OSBPL11: variants seen among roughly 807,000 people sequenced by gnomAD.
The protein encoded by OSBPL11 is oxysterol-binding protein-related protein 11.
Under a neutral mutation model 84.4 loss-of-function variants are expected in OSBPL11, and 33 were observed. The observed-to-expected ratio is 0.39, with a 90% confidence interval of 0.30 to 0.52. The LOEUF (loss-of-function observed/expected upper bound fraction) is 0.52, where lower values mean the gene tolerates loss of function less well. Among genes scored for constraint, OSBPL11 ranks in the 20% least tolerant of loss-of-function variants. OSBPL11 has a pLI of 0.72. For missense variants in OSBPL11, 736 were observed against 901.1 expected (o/e 0.82, Z 2.35); for synonymous variants, 276 against 310.2 (o/e 0.89, Z 1.16).
rs1057468290 is a variant in OSBPL11, at chr3:125,529,031, T to A, written c.*1484A>T. 1 of 152,680 alleles carries A rather than the reference T, an allele frequency of 6.5e-6. No homozygotes were observed. Among genetic ancestry groups the A allele is most frequent in the African/African-American group, 2.4e-5 (1 of 41,474 alleles). 9.5% of individuals were successfully genotyped at this position (152,680 alleles called of 1,614,324 possible). ...ATTTACAATTTGTTGAAAAAATTAT[T>A]GTTTTGCTGTTTTCATCCTACTAAC... On this transcript the variant is annotated 3_prime_UTR_variant, in exon 13 of 13. Coordinates refer to ENST00000296220, the MANE Select transcript of OSBPL11 (RefSeq NM_022776.5).
intron 5 of OSBPL11, 35 bp from the exon 6 acceptor site, chr3:125,567,630 G>A: frequency 1.3e-6 from 2 of 1,549,808 alleles, no homozygotes; most frequent in Non-Finnish European, 1.8e-6. Flanking sequence ...TCCTACTCAT[G>A]ATTTCTGTAA....
At chr3:125,586,374 C>G (rs1936510723) in intron 1 of OSBPL11, among the ~76,000 whole-genome samples, 1 of 152,158 alleles carries the variant, frequency 6.6e-6, no homozygotes, top group Admixed American at 6.5e-5. Context: ...GTAGTGGAAG[C>G]TGATAGTCTA....
chr3:125,539,715 C>T (rs1935698587), intron 10 of OSBPL11, among the ~76,000 whole-genome samples: 1 of 152,252 alleles, frequency 6.6e-6, no homozygotes, highest in African/African-American at 2.4e-5. Flanking sequence ...TCCCAAAGTG[C>T]TGGGATTACA....
chr3:125,555,727 C>A lies in OSBPL11; in HGVS notation c.1156-3048G>T, dbSNP rs189174708. Among the ~76,000 whole-genome samples the A allele has an allele frequency of 1.6e-4, 24 of 152,230 alleles. No homozygotes were observed. In the East Asian group the frequency reaches 4.6e-3, roughly 29 times the overall value. ...TGAGATGGAGTCTCGCTCTGTCACC[C>A]AGGCTGGAGTGCAGTGGCGTCATCT... On this transcript the variant is annotated intron_variant, in intron 8 of 12. Coordinates refer to ENST00000296220, the MANE Select transcript of OSBPL11 (RefSeq NM_022776.5).
chr3:125,542,801 C>G (rs149521956), intron 10 of OSBPL11, among the ~76,000 whole-genome samples: 1 of 152,046 alleles, frequency 6.6e-6, no homozygotes, highest in African/African-American at 2.4e-5. Flanking sequence ...TGAGCCACCA[C>G]GCCCAGCCTA....
chr3:125,579,136 T>C (rs1316837776), intron 3 of OSBPL11, 97 bp from the exon 4 acceptor site: 9 of 877,250 alleles, frequency 1.0e-5, no homozygotes, highest in South Asian at 6.3e-5. Context: ...AAGCAGATAC[T>C]GGTCTTACTC....
chr3:125,545,836 A>G (rs115347477), intron 10 of OSBPL11, among the ~76,000 whole-genome samples: 1 of 152,274 alleles, frequency 6.6e-6, no homozygotes, highest in African/African-American at 2.4e-5. Context: ...AATATAATAT[A>G]TTTATAACAA....
At position 125,560,362 on chromosome 3, in the gene OSBPL11, C is replaced by G. The variant is rs577675532; in HGVS notation, c.1155+17G>C. 1 of 1,518,936 alleles carries G rather than the reference C, an allele frequency of 6.6e-7. No individual in the cohort carries two copies. The highest frequency in any genetic ancestry group is 2.4e-5 in the East Asian group (1 of 42,138). The allele number at this position is 1,518,936 out of a possible 1,614,324, so 94.1% of individuals were successfully genotyped here. A position where few individuals can be genotyped will look rare whatever the true frequency, so the allele number is the denominator to read the frequency against. ...AGCCCTTAACAATCTCCATAGCCAG[C>G]TTATGCCATTACTTACTCTTGTTAA... On this transcript the variant is annotated intron_variant, in intron 8 of 12. Transcript: ENST00000296220.
chr3:125,592,962 G>A (rs948148402), intron 1 of OSBPL11, among the ~76,000 whole-genome samples: 19 of 152,052 alleles, frequency 1.2e-4, no homozygotes, highest in African/African-American at 4.6e-4. Flanking sequence ...TGTTTTTTTA[G>A]ATGTGACACA....
At chr3:125,557,771 T>G (rs1936012526) in intron 8 of OSBPL11, among the ~76,000 whole-genome samples, 1 of 151,524 alleles carries the variant, frequency 6.6e-6, no homozygotes, top group Non-Finnish European at 1.5e-5. Flanking sequence ...ATGTAATATA[T>G]GTGTAACACA....
At chr3:125,566,481 G>A (rs369563302) in intron 6 of OSBPL11, among the ~76,000 whole-genome samples, 1 of 152,260 alleles carries the variant, frequency 6.6e-6, no homozygotes. Flanking sequence ...GCACACATGA[G>A]GATGAGGTCC....
At chr3:125,588,516 G>A (rs548935052) in intron 1 of OSBPL11, among the ~76,000 whole-genome samples, 9 of 152,248 alleles carry the variant, frequency 5.9e-5, no homozygotes, top group Admixed American at 2.6e-4. Context: ...GCCAAATAGC[G>A]ATACCTTAAG....
At chr3:125,574,873 G>T (rs550183946) in intron 5 of OSBPL11, among the ~76,000 whole-genome samples, 1 of 152,236 alleles carries the variant, frequency 6.6e-6, no homozygotes, top group African/African-American at 2.4e-5. Context: ...ATAGGTTAAA[G>T]ATCCATTCAA....
intron 11 of OSBPL11, among the ~76,000 whole-genome samples, chr3:125,534,913 T>G (rs1935616400): frequency 1.5e-5 from 2 of 131,734 alleles, no homozygotes; most frequent in South Asian, 4.5e-4. Context: ...AGAAAAAGTT[T>G]GCTGACCCCT....
chr3:125,534,741 T>A (rs939004929), intron 11 of OSBPL11, among the ~76,000 whole-genome samples: 5 of 151,872 alleles, frequency 3.3e-5, no homozygotes, highest in African/African-American at 1.2e-4. Flanking sequence ...GATCAAACTA[T>A]GGCCCACAGC....
Position 125,576,344 on chromosome 3 carries a change from G to A in OSBPL11, c.511C>T (p.Arg171Trp), listed in dbSNP as rs370760880. Residue 171 changes from arginine (R) to tryptophan (W), a missense_variant, in exon 5 of 13, where the codon CGG (arginine) becomes TGG (tryptophan). Around this residue, in one of 3 missense-constraint regions of OSBPL11, gnomAD observed 579 missense variants for 717.6 expected, o/e 0.81. Transcript: ENST00000296220. ...IGKNNPPLKS[R>W]SFSLASSSNS... ...CTACTAGATGCAAGTGAGAAGCTCC[G>A]TGACTTCAGAGGAGGATTATTCTGT... 4.8e-5 allele frequency: 77 copies of A among 1,590,524 alleles called. No individual in the cohort carries two copies. Among genetic ancestry groups the A allele is most frequent in the Middle Eastern group, 3.3e-4 (2 of 6,010 alleles).
intron 5 of OSBPL11, among the ~76,000 whole-genome samples, chr3:125,573,867 C>T (rs143275491): frequency 0.079 from 8,577 of 108,536 alleles, 397 homozygotes; most frequent in Middle Eastern, 0.13. Flanking sequence ...AGCAAAACTC[C>T]GTCTCAAAAA....
intron 10 of OSBPL11, among the ~76,000 whole-genome samples, chr3:125,539,784 C>T (rs1245767682): frequency 1.3e-5 from 2 of 152,054 alleles, no homozygotes; most frequent in East Asian, 3.9e-4. Context: ...TATGTTCACT[C>T]TAGGACACAG....
intron 1 of OSBPL11, among the ~76,000 whole-genome samples, chr3:125,585,523 G>T (rs142479902): frequency 1.4e-4 from 19 of 133,880 alleles, no homozygotes; most frequent in African/African-American, 5.4e-4. Flanking sequence ...TATATCTAAA[G>T]AGTTAGCTTT....
Sources: allele counts gnomAD v4.1 joint callset (sites outside exome capture counted in the v4.1 genomes callset), GRCh38; gene constraint gnomAD v4.1.1; regional missense constraint gnomAD v4.1.1; transcripts MANE v1.5; gene names NCBI Gene and HGNC (gene_info 2026-07-23, HGNC 2026-07-21).